INVS: variants seen among roughly 807,000 people sequenced by gnomAD.
The protein encoded by INVS is inversin.
INVS carries 86 observed loss-of-function variants against 108.8 expected under a neutral mutation model. The ratio of observed to expected loss-of-function variants is 0.79; its 90% CI spans 0.66 to 0.95. The LOEUF is 0.95. Ranked by LOEUF, INVS falls within the 40% of genes least tolerant of loss-of-function variation. The probability of loss-of-function intolerance (pLI) is 0.00; values close to 1 mark genes in which losing one functional copy is unlikely to be tolerated. For missense variants in INVS, 1,169 were observed against 1,297.4 expected, an observed-to-expected ratio of 0.90 and a Z score of 1.52; for synonymous variants, 455 against 473.5, an observed-to-expected ratio of 0.96 and a Z score of 0.51.
chr9:100,154,331 ATTTTTT>A (rs780090630), intron 3 of INVS, among the ~76,000 whole-genome samples: 103 of 68,556 alleles, frequency 1.5e-3, no homozygotes, highest in South Asian at 5.2e-3. Flanking sequence ...CAACCGACTA[ATTTTTT>A]TTTTTTTTTT....
chr9:100,297,813 T>A lies in INVS; in HGVS notation c.3017-123T>A, dbSNP rs747306448. 12 of 957,672 alleles carry A rather than the reference T, an allele frequency of 1.3e-5. No homozygotes were observed. The African/African-American group carries it at 1.6e-4, about 13-fold the overall frequency. The allele number at this position is 957,672 out of a possible 1,614,324, so 59.3% of individuals were successfully genotyped here. ...CCTGGGCCTACATGTTTCCACACCA[T>A]ACCTAACTTATCTTGACACACACCT... On this transcript the variant is annotated intron_variant, in intron 15 of 16. Transcript: ENST00000262457.
chr9:100,278,641 A>C (rs1379537213), intron 12 of INVS, among the ~76,000 whole-genome samples: 1 of 152,240 alleles, frequency 6.6e-6, no homozygotes, highest in Non-Finnish European at 1.5e-5. Flanking sequence ...ACCTTACATA[A>C]GCCATTGATC....
intron 4 of INVS, among the ~76,000 whole-genome samples, chr9:100,228,244 A>T (rs1564166799): frequency 6.6e-6 from 1 of 152,008 alleles, no homozygotes; most frequent in Admixed American, 6.6e-5. Flanking sequence ...ACCCGCCTCG[A>T]TCTCCCAAAG....
chr9:100,219,643 G>A (rs192649654), intron 3 of INVS, among the ~76,000 whole-genome samples: 2 of 152,096 alleles, frequency 1.3e-5, no homozygotes, highest in African/African-American at 4.8e-5. Flanking sequence ...ATATGTATGA[G>A]AATATTCATT....
At chr9:100,124,159 G>T (rs1827808684) in intron 2 of INVS, among the ~76,000 whole-genome samples, 1 of 140,922 alleles carries the variant, frequency 7.1e-6, no homozygotes, top group African/African-American at 2.7e-5. Flanking sequence ...TTCATTGGAG[G>T]TTTTTTATTT....
rs573248847 is a variant in INVS at position 100,255,047 on chromosome 9, G to C, written c.1464+1911G>C. Reference sequence around the variant, plus strand: ...CACGATATTGATTCTTCCTATCCATGAGCATGGAATGTTCTTCCATTTGTT... The same window carrying C: ...CACGATATTGATTCTTCCTATCCATCAGCATGGAATGTTCTTCCATTTGTT... On this transcript the variant is annotated intron_variant, in intron 10 of 16. Coordinates refer to ENST00000262457, the MANE Select transcript of INVS (RefSeq NM_014425.5). 4.3e-4 allele frequency among the ~76,000 whole-genome samples: 65 copies of C among 152,300 alleles called. 2 individuals are homozygous for C. The South Asian group carries it at 0.013, about 31-fold the overall frequency.
intron 3 of INVS, among the ~76,000 whole-genome samples, chr9:100,135,449 G>A (rs1227030933): frequency 6.6e-6 from 1 of 152,212 alleles, no homozygotes; most frequent in African/African-American, 2.4e-5. Context: ...TGTGGGGCCA[G>A]AGAATGTGCT....
intron 2 of INVS, chr9:100,117,609 G>GC (rs370853317): frequency 0.016 from 3,994 of 245,180 alleles, 98 homozygotes; most frequent in East Asian, 0.15. Flanking sequence ...CCGGCCCCCC[G>GC]CCCCCCCCGC....
Position 100,249,740 on chromosome 9 carries a change from C to T in INVS, c.1079-2543C>T, listed in dbSNP as rs557902881. Reference sequence around the variant, plus strand: ...AACATCTGACCTCAAATGATCCACCCACCTCGGCCTCCCAAAGTGCTGGGA... The same window carrying T: ...AACATCTGACCTCAAATGATCCACCTACCTCGGCCTCCCAAAGTGCTGGGA... On this transcript the variant is annotated intron_variant, in intron 8 of 16. Coordinates refer to ENST00000262457, the MANE Select transcript of INVS (RefSeq NM_014425.5). 7.3e-4 allele frequency among the ~76,000 whole-genome samples: 111 copies of T among 151,908 alleles called. 1 individual carries two copies. The highest frequency in any genetic ancestry group is 1.7e-3 in the Admixed American group (26 of 15,286).
At chr9:100,232,052 G>C (rs568279034) in intron 5 of INVS, among the ~76,000 whole-genome samples, 2 of 152,196 alleles carry the variant, frequency 1.3e-5, no homozygotes, top group East Asian at 3.9e-4. Context: ...ATTCTAACTG[G>C]CATGAGATGG....
At chr9:100,256,106 T>A (rs1832411404) in intron 10 of INVS, among the ~76,000 whole-genome samples, 1 of 152,218 alleles carries the variant, frequency 6.6e-6, no homozygotes, top group Non-Finnish European at 1.5e-5. Flanking sequence ...GTTATTGGTC[T>A]ATTCAGGGAT....
intron 11 of INVS, among the ~76,000 whole-genome samples, chr9:100,269,440 A>G (rs1001646386): frequency 2.0e-5 from 3 of 152,148 alleles, no homozygotes; most frequent in Non-Finnish European, 2.9e-5. Context: ...GTTTATGTAG[A>G]TGCCTCTCAG....
chr9:100,190,091 A>G (rs993019479), intron 3 of INVS, among the ~76,000 whole-genome samples: 4 of 152,076 alleles, frequency 2.6e-5, no homozygotes, highest in African/African-American at 9.7e-5. Flanking sequence ...GGATTGTAAT[A>G]TCTTCTTGTT....
intron 12 of INVS, among the ~76,000 whole-genome samples, chr9:100,277,719 G>A (rs527569550): frequency 1.3e-5 from 2 of 152,192 alleles, no homozygotes; most frequent in East Asian, 1.9e-4. Flanking sequence ...TAAGACACAC[G>A]ACATTTTCTT....
At chr9:100,116,793 C>A in intron 2 of INVS, 1 of 1,431,924 alleles carries the variant, frequency 7.0e-7, no homozygotes, top group Non-Finnish European at 9.2e-7. Flanking sequence ...GTCCGCTGCA[C>A]GGAGACTCTG....
intron 10 of INVS, among the ~76,000 whole-genome samples, chr9:100,262,128 C>A (rs1359132735): frequency 1.3e-5 from 2 of 150,624 alleles, no homozygotes; most frequent in East Asian, 3.9e-4. Flanking sequence ...ATTTTACCTG[C>A]TAATATTTTA....
At chr9:100,210,555 C>T (rs1302208560) in intron 3 of INVS, among the ~76,000 whole-genome samples, 1 of 152,204 alleles carries the variant, frequency 6.6e-6, no homozygotes, top group Non-Finnish European at 1.5e-5. Flanking sequence ...ACCCCTTCCC[C>T]TCTTCACAAG....
chr9:100,237,710 A>G (rs1831734929), intron 5 of INVS, among the ~76,000 whole-genome samples: 1 of 151,980 alleles, frequency 6.6e-6, no homozygotes, highest in Admixed American at 6.6e-5. Flanking sequence ...TCCCAATGAG[A>G]TGAACTGGGC....
chr9:100,183,642 C>T (rs138154394), intron 3 of INVS, among the ~76,000 whole-genome samples: 40 of 151,620 alleles, frequency 2.6e-4, no homozygotes, highest in African/African-American at 9.7e-4. Flanking sequence ...AAATACAAAA[C>T]ATTAGCTGGG....
Sources: allele counts gnomAD v4.1 joint callset (sites outside exome capture counted in the v4.1 genomes callset), GRCh38; gene constraint gnomAD v4.1.1; transcripts MANE v1.5; gene names NCBI Gene and HGNC (gene_info 2026-07-23, HGNC 2026-07-21).